SGCE: variants seen among roughly 807,000 people sequenced by gnomAD.
SGCE encodes the protein epsilon-sarcoglycan.
Under a neutral mutation model 57.8 loss-of-function variants are expected in SGCE, and 26 were observed. The observed-to-expected ratio is 0.45, with a 90% CI of 0.33 to 0.62. The LOEUF is 0.62. Ranked by LOEUF, SGCE falls within the 20% of genes least tolerant of loss-of-function variation. SGCE has a pLI of 0.02. For synonymous variants in SGCE, 183 were observed against 189.5 expected (o/e 0.97, Z 0.28); for missense variants, 468 against 548.6 (o/e 0.85, Z 1.47).
intron 3 of SGCE, chr7:94,624,478 G>T: frequency 5.7e-6 from 2 of 350,288 alleles, no homozygotes; most frequent in Non-Finnish European, 1.0e-5. Flanking sequence ...AAAGTTAAAA[G>T]AACCTCTCTC....
intron 1 of SGCE, among the ~76,000 whole-genome samples, chr7:94,644,339 C>G (rs1344977309): frequency 6.6e-6 from 1 of 152,172 alleles, no homozygotes; most frequent in Non-Finnish European, 1.5e-5. Context: ...AGTCTTGTAG[C>G]GGCATGACTA....
intron 5 of SGCE, among the ~76,000 whole-genome samples, chr7:94,611,472 G>C (rs1801024531): frequency 6.7e-6 from 1 of 150,160 alleles, no homozygotes; most frequent in African/African-American, 2.5e-5. Flanking sequence ...TTCCTTAGTG[G>C]CTGCCTAGGG....
In SGCE at chr7:94,585,500, C is replaced by G. The variant is rs1796770897; in HGVS notation, c.1313G>C (p.Ter438SerextTer6). The stretch of plus-strand genomic sequence containing the variant: ...ATTGCTTCAGTCAGTTTTCTTTCTT[C>G]AGGGATACCATTTACCTGCAATGTG... ...QQQTTGKWYP* is the reference protein window; with the variant it reads ...QQQTTGKWYPS Residue 438 changes from the stop codon to serine, a stop_lost, in exon 11 of 11, where the codon TGA (stop) becomes TCA (serine). Transcript: ENST00000648936. 1 of 1,605,908 alleles carries G rather than the reference C, an allele frequency of 6.2e-7. No homozygotes were observed. Among genetic ancestry groups the G allele is most frequent in the Non-Finnish European group, 8.5e-7 (1 of 1,172,710 alleles).
At chr7:94,652,047 A>G (rs1403874625) in intron 1 of SGCE, among the ~76,000 whole-genome samples, 1 of 152,008 alleles carries the variant, frequency 6.6e-6, no homozygotes, top group African/African-American at 2.4e-5. Context: ...GCCTGAATGG[A>G]GTGTGCGTTA....
At chr7:94,646,379 C>T (rs970399722) in intron 1 of SGCE, among the ~76,000 whole-genome samples, 1 of 152,176 alleles carries the variant, frequency 6.6e-6, no homozygotes, top group Non-Finnish European at 1.5e-5. Flanking sequence ...GAGAAGGTTA[C>T]TCACTTCTCT....
rs1388442223 is a variant in SGCE, at chr7:94,599,668, A to C, written c.1064+29T>G. ...AACTGAGAGGTGGGAAAAAATGATGAAGAAAATAACAGGAAAGAAGACACT... is the reference window on the plus strand; with the variant it reads ...AACTGAGAGGTGGGAAAAAATGATGCAGAAAATAACAGGAAAGAAGACACT... On this transcript the variant is annotated intron_variant, in intron 8 of 10. Coordinates refer to ENST00000648936, the MANE Select transcript of SGCE (RefSeq NM_003919.3). The C allele has an allele frequency of 8.1e-6, 13 of 1,602,704 alleles. No homozygotes were observed. The African/African-American group carries it at 1.7e-4, about 21-fold the overall frequency.
intron 1 of SGCE, chr7:94,644,726 G>A: frequency 1.3e-6 from 1 of 769,740 alleles, no homozygotes; most frequent in Non-Finnish European, 1.9e-6. Flanking sequence ...CACGTGTCCG[G>A]CATCCCTTCC....
At chr7:94,627,826 GC>G (rs1329807068) in intron 3 of SGCE, 2 of 204,908 alleles carry the variant, frequency 9.8e-6, no homozygotes, top group African/African-American at 4.7e-5. Flanking sequence ...TTGGCAAGTA[GC>G]AGGGGTATAT....
intron 6 of SGCE, 29 bp downstream of exon 6, chr7:94,603,261 A>C: frequency 6.3e-7 from 1 of 1,583,316 alleles, no homozygotes; most frequent in Non-Finnish European, 8.7e-7. Flanking sequence ...ATTTTTAACT[A>C]AACTTGCAAA....
At chr7:94,590,860 C>G (rs1797579421) in intron 9 of SGCE, 1 of 152,074 alleles carries the variant, frequency 6.6e-6, no homozygotes, top group African/African-American at 2.4e-5. Context: ...ATATTATGTT[C>G]CAAATACAAC....
intron 6 of SGCE, among the ~76,000 whole-genome samples, chr7:94,601,829 G>A (rs1037055258): frequency 1.3e-5 from 2 of 152,032 alleles, no homozygotes; most frequent in African/African-American, 4.8e-5. Context: ...ACACAGCCTT[G>A]TGCTTATTTT....
chr7:94,629,499 A>C, intron 2 of SGCE: 1 of 457,822 alleles, frequency 2.2e-6, no homozygotes, highest in South Asian at 2.2e-5. Context: ...CTCAAGACTG[A>C]GAATCCAGAA....
intron 1 of SGCE, among the ~76,000 whole-genome samples, chr7:94,652,275 T>C (rs1056657979): frequency 6.6e-6 from 1 of 152,154 alleles, no homozygotes. Flanking sequence ...TGTTAGAATA[T>C]GCATTTAGGT....
chr7:94,653,884 T>C (rs1356999526), intron 1 of SGCE, among the ~76,000 whole-genome samples: 1 of 151,996 alleles, frequency 6.6e-6, no homozygotes, highest in Non-Finnish European at 1.5e-5. Context: ...AAAATTAATA[T>C]TATTTCCTTT....
intron 3 of SGCE, chr7:94,625,773 T>C (rs574180689): frequency 6.6e-6 from 1 of 152,236 alleles, no homozygotes; most frequent in South Asian, 2.1e-4. Flanking sequence ...AAGATTAATA[T>C]ATTCTCTTGC....
In SGCE at chr7:94,639,274, G is replaced by A. The variant is rs899911990; in HGVS notation, c.110-9433C>T. 5.2e-6 allele frequency: 5 copies of A among 961,170 alleles called. No individual in the cohort carries two copies. The African/African-American group carries it at 8.2e-5, about 16-fold the overall frequency. 59.5% of individuals were successfully genotyped at this position (961,170 alleles called of 1,614,324 possible). On this transcript the variant is annotated intron_variant, in intron 1 of 10. Coordinates refer to ENST00000648936, the MANE Select transcript of SGCE (RefSeq NM_003919.3). ...AGCCACACATGACTAAAAAAGGGAA[G>A]AGACTATTGGAAGCAGACATTTAAT...
intron 9 of SGCE, 51 bp downstream of exon 9, chr7:94,598,724 A>G (rs780492514): frequency 1.7e-6 from 2 of 1,179,110 alleles, no homozygotes; most frequent in South Asian, 2.4e-5. Context: ...TACAGATATT[A>G]GTAAAAATAT....
intron 5 of SGCE, among the ~76,000 whole-genome samples, chr7:94,607,434 T>C (rs1336335427): frequency 6.6e-6 from 1 of 152,154 alleles, no homozygotes; most frequent in Non-Finnish European, 1.5e-5. Flanking sequence ...GATTCAACAA[T>C]GTATAAAAGG....
At chr7:94,631,149 G>GTACTAA (rs919093565) in intron 1 of SGCE, among the ~76,000 whole-genome samples, 1 of 116,578 alleles carries the variant, frequency 8.6e-6, no homozygotes, top group African/African-American at 2.7e-5. Flanking sequence ...GATTTGTTTT[G>GTACTAA]TACTAGTATT....
Sources: allele counts gnomAD v4.1 joint callset (sites outside exome capture counted in the v4.1 genomes callset), GRCh38; gene constraint gnomAD v4.1.1; transcripts MANE v1.5; gene names NCBI Gene and HGNC (gene_info 2026-07-23, HGNC 2026-07-21).